Variants in MROH9 observed in about 807,000 individuals in gnomAD.
MROH9 encodes the protein maestro heat-like repeat-containing protein family member 9.
A neutral mutation model predicts 98.2 loss-of-function variants in MROH9; 92 were observed. That is an observed-to-expected ratio of 0.94 (90% CI 0.79 to 1.11). The LOEUF is 1.11. Ranked by LOEUF, MROH9 falls within the 50% of genes most tolerant of loss-of-function variation. The probability of loss-of-function intolerance (pLI) is 0.00; values close to 1 mark genes in which losing one functional copy is unlikely to be tolerated. For synonymous variants in MROH9, 397 were observed against 368.9 expected, an observed-to-expected ratio of 1.08 and a Z score of -0.87; for missense variants, 1,057 against 1,014.8, an observed-to-expected ratio of 1.04 and a Z score of -0.57.
intron 10 of MROH9, 104 bp from the exon 11 acceptor site, chr1:170,989,751 G>A (rs751841783): frequency 1.9e-6 from 2 of 1,036,238 alleles, no homozygotes; most frequent in Non-Finnish European, 2.8e-6. Context: ...TTGCTGCTTT[G>A]GTAATTCTGA....
intron 12 of MROH9, 96 bp from the exon 13 acceptor site, chr1:170,995,292 AG>A: frequency 7.6e-7 from 1 of 1,320,802 alleles, no homozygotes; most frequent in Non-Finnish European, 1.1e-6. Flanking sequence ...AGGCTGAAGG[AG>A]GGGTTGCAGA....
In MROH9 at chr1:171,014,235, T is replaced by C; in HGVS notation, c.1715T>C (p.Met572Thr). 6.4e-7 allele frequency: 1 copy of C among 1,551,070 alleles called. No homozygotes were observed. The highest frequency in any genetic ancestry group is 8.7e-7 in the Non-Finnish European group (1 of 1,146,698). ...SRLILHRIVH[M>T]SPIINKTENV... ...CTGATCCTTCATAGAATTGTCCACA[T>C]GTCACCAATTATCAATAAGGTATGT... The change falls in exon 16 of 22, where the codon ATG becomes ACG. Residue 572 changes from methionine (M) to threonine (T), a missense_variant. Physicochemically the swap from Met to Thr is moderately conservative, Grantham distance 81 (BLOSUM62 -1). Transcript: ENST00000367759.
intron 3 of MROH9, among the ~76,000 whole-genome samples, chr1:170,957,477 C>T (rs1334360335): frequency 6.6e-6 from 1 of 152,096 alleles, no homozygotes; most frequent in Non-Finnish European, 1.5e-5. Flanking sequence ...GATTACTTGA[C>T]CATATATTAA....
At chr1:171,059,648 G>C (rs1653952718) in intron 20 of MROH9, among the ~76,000 whole-genome samples, 1 of 152,166 alleles carries the variant, frequency 6.6e-6, no homozygotes, top group African/African-American at 2.4e-5. Context: ...ATCAATGATA[G>C]ACTGGATAAA....
At chr1:171,033,083 C>T (rs1229979825) in intron 20 of MROH9, among the ~76,000 whole-genome samples, 2 of 152,192 alleles carry the variant, frequency 1.3e-5, no homozygotes, top group African/African-American at 2.4e-5. Context: ...TGTTGGGCTG[C>T]GGAGGGACAA....
At chr1:171,050,009 AT>A (rs1424810415) in intron 20 of MROH9, among the ~76,000 whole-genome samples, 5 of 152,096 alleles carry the variant, frequency 3.3e-5, no homozygotes, top group African/African-American at 1.2e-4. Flanking sequence ...AGTTGTTTGA[AT>A]TTTTTTGTAG....
intron 20 of MROH9, among the ~76,000 whole-genome samples, chr1:171,054,307 T>C (rs1417784462): frequency 6.6e-6 from 1 of 152,198 alleles, no homozygotes; most frequent in Non-Finnish European, 1.5e-5. Flanking sequence ...CAAATTGTGC[T>C]GGGATAATTG....
chr1:170,962,796 C>T (rs867522031), intron 6 of MROH9, among the ~76,000 whole-genome samples: 5 of 151,884 alleles, frequency 3.3e-5, no homozygotes, highest in Middle Eastern at 3.4e-3. Flanking sequence ...TGATATTGGA[C>T]CCCTTCCTTA....
chr1:171,048,672 G>C (rs527728577), intron 20 of MROH9, among the ~76,000 whole-genome samples: 5 of 152,256 alleles, frequency 3.3e-5, no homozygotes, highest in Admixed American at 1.3e-4. Flanking sequence ...AGGTGCAAGA[G>C]AAAGTCCCCT....
chr1:170,995,788 C>T (rs911867077), intron 13 of MROH9, among the ~76,000 whole-genome samples: 12 of 152,272 alleles, frequency 7.9e-5, no homozygotes, highest in African/African-American at 2.9e-4. Flanking sequence ...ATTCCTACCA[C>T]ACTGCCTATC....
chr1:170,959,869 T>C (rs898474899), intron 5 of MROH9, among the ~76,000 whole-genome samples: 1 of 152,188 alleles, frequency 6.6e-6, no homozygotes, highest in African/African-American at 2.4e-5. Flanking sequence ...TGGCAAGTGC[T>C]TCAAAGAATG....
chr1:171,053,517 C>T (rs1653735427), intron 20 of MROH9, among the ~76,000 whole-genome samples: 1 of 152,062 alleles, frequency 6.6e-6, no homozygotes, highest in Admixed American at 6.6e-5. Context: ...GATAAATTAC[C>T]CAGAGACTCA....
chr1:171,017,913 C>T (rs1043772147), intron 17 of MROH9, among the ~76,000 whole-genome samples: 4 of 151,332 alleles, frequency 2.6e-5, no homozygotes, highest in East Asian at 2.0e-4. Context: ...CTGAACCCCT[C>T]GTGGGAGGGG....
chr1:171,055,215 C>T (rs757725084), intron 20 of MROH9, among the ~76,000 whole-genome samples: 3 of 152,172 alleles, frequency 2.0e-5, no homozygotes, highest in Non-Finnish European at 4.4e-5. Flanking sequence ...TTTGCAGCAA[C>T]CTGGATAACT....
At chr1:171,016,047 G>A (rs1217010350) in intron 16 of MROH9, 116 bp from the exon 17 acceptor site, 9 of 563,762 alleles carry the variant, frequency 1.6e-5, no homozygotes, top group East Asian at 1.1e-4. Flanking sequence ...AGAGATTTTC[G>A]TGAGTCGGCT....
At chr1:170,986,480 A>G in intron 9 of MROH9, 81 bp from the exon 10 acceptor site, 7 of 1,470,346 alleles carry the variant, frequency 4.8e-6, no homozygotes, top group Non-Finnish European at 5.5e-6. Flanking sequence ...GCTCTTGAGC[A>G]TCCCCCACCA....
intron 1 of MROH9, among the ~76,000 whole-genome samples, chr1:170,944,312 A>T (rs903966853): frequency 6.6e-6 from 1 of 151,998 alleles, no homozygotes; most frequent in Non-Finnish European, 1.5e-5. Context: ...TATTAAAGAA[A>T]CACACAAAAC....
chr1:170,960,568 AC>A (rs148688427), intron 5 of MROH9, among the ~76,000 whole-genome samples: 3,349 of 152,290 alleles, frequency 0.022, 51 homozygotes, highest in Non-Finnish European at 0.033. Flanking sequence ...AGTGTGTGGA[AC>A]AATAAATCTT....
At chr1:170,984,736 C>T (rs924953790) in intron 9 of MROH9, among the ~76,000 whole-genome samples, 3 of 152,162 alleles carry the variant, frequency 2.0e-5, no homozygotes, top group African/African-American at 7.2e-5. Flanking sequence ...GCGGGAGGTA[C>T]CCTGGGTCCT....
Sources: allele counts gnomAD v4.1 joint callset (sites outside exome capture counted in the v4.1 genomes callset), GRCh38; gene constraint gnomAD v4.1.1; transcripts MANE v1.5; gene names NCBI Gene and HGNC (gene_info 2026-07-23, HGNC 2026-07-21).